The following TIMMDC1 variants were observed in gnomAD, a reference collection of about 807,000 sequenced individuals.
TIMMDC1 encodes the protein translocase of inner mitochondrial membrane domain containing 1, also known as complex I assembly factor TIMMDC1, mitochondrial.
A neutral mutation model predicts 32.6 loss-of-function variants in TIMMDC1; 25 were observed. The ratio of observed to expected loss-of-function variants is 0.77; its 90% CI spans 0.56 to 1.07. TIMMDC1 has a LOEUF of 1.07. Ranked by LOEUF, TIMMDC1 falls within the 50% of genes least tolerant of loss-of-function variation. The pLI, the probability that TIMMDC1 is intolerant of heterozygous loss-of-function variation, is 0.00. For synonymous variants in TIMMDC1, 130 were observed against 127.6 expected (o/e 1.02, Z -0.13); for missense variants, 329 against 349.2 (o/e 0.94, Z 0.46).
At chr3:119,506,924 T>C (rs1174716065) in intron 4 of TIMMDC1, among the ~76,000 whole-genome samples, 1 of 152,228 alleles carries the variant, frequency 6.6e-6, no homozygotes, top group African/African-American at 2.4e-5. Context: ...GTTCGGCTCC[T>C]ACTTAACCTT....
chr3:119,503,428 G>C (rs1228100480), intron 2 of TIMMDC1, 104 bp from the exon 3 acceptor site: 1 of 718,388 alleles, frequency 1.4e-6, no homozygotes, highest in African/African-American at 1.8e-5. Flanking sequence ...CTATCTGTTT[G>C]GGTGTACCTG....
At chr3:119,505,796 G>T (rs2081915159) in intron 4 of TIMMDC1, among the ~76,000 whole-genome samples, 1 of 152,190 alleles carries the variant, frequency 6.6e-6, no homozygotes, top group Non-Finnish European at 1.5e-5. Flanking sequence ...TTCATGCTGA[G>T]AATTTATCCG....
chr3:119,506,981 G>GTTCTCCCTAGCCATT, intron 4 of TIMMDC1, among the ~76,000 whole-genome samples: 2 of 152,222 alleles, frequency 1.3e-5, no homozygotes, highest in African/African-American at 4.8e-5. Context: ...TCCCTAGAGA[G>GTTCTCCCTAGCCATT]TTCTCCCTAG....
In TIMMDC1 at chr3:119,523,857, T is replaced by C; in HGVS notation, c.*101T>C. 3.2e-6 allele frequency: 4 copies of C among 1,262,758 alleles called. No homozygotes were observed. The highest frequency in any genetic ancestry group is 4.3e-6 in the Non-Finnish European group (4 of 934,346). The allele number at this position is 1,262,758 out of a possible 1,614,324, so 78.2% of individuals were successfully genotyped here. ...CTCTTTGGTCAGCCTGCTGACAAAT[T>C]TAAGTGCTGGTACCTGTGGTGGCAG... On this transcript the variant is annotated 3_prime_UTR_variant, in exon 7 of 7. Transcript: ENST00000494664.
chr3:119,519,928 A>G (rs1477778806), intron 6 of TIMMDC1, among the ~76,000 whole-genome samples: 1 of 152,216 alleles, frequency 6.6e-6, no homozygotes, highest in African/African-American at 2.4e-5. Flanking sequence ...CCACAGCAGA[A>G]TAAAACTAGA....
chr3:119,500,992 TTAA>T (rs1486393617), intron 2 of TIMMDC1, 132 bp downstream of exon 2: 1 of 822,130 alleles, frequency 1.2e-6, no homozygotes, highest in Non-Finnish European at 1.8e-6. Flanking sequence ...AAGTCTGTAC[TTAA>T]TAACAGTGGA....
intron 5 of TIMMDC1, among the ~76,000 whole-genome samples, chr3:119,515,423 A>T (rs2081979642): frequency 6.6e-6 from 1 of 152,168 alleles, no homozygotes. Flanking sequence ...CTACTCTGCC[A>T]CCAGCCAGGG....
intron 6 of TIMMDC1, among the ~76,000 whole-genome samples, chr3:119,522,050 C>CTA (rs2082029782): frequency 1.3e-5 from 2 of 152,224 alleles, no homozygotes; most frequent in South Asian, 4.2e-4. Flanking sequence ...GCAATCTTCC[C>CTA]TACTAGGTAT....
chr3:119,503,455 AAT>A (rs1483057395), intron 2 of TIMMDC1, 75 bp from the exon 3 acceptor site: 36 of 1,117,476 alleles, frequency 3.2e-5, no homozygotes, highest in Non-Finnish European at 4.0e-5. Flanking sequence ...CCATAGCTAA[AAT>A]TCCTCTACCG....
At chr3:119,499,018 G>A in intron 1 of TIMMDC1, 91 bp downstream of exon 1, 1 of 996,760 alleles carries the variant, frequency 1.0e-6, no homozygotes, top group Non-Finnish European at 1.5e-6. Flanking sequence ...AGGACACCAA[G>A]GATGGTGTGC....
chr3:119,519,936 A>G (rs187280648), intron 6 of TIMMDC1, among the ~76,000 whole-genome samples: 1 of 152,348 alleles, frequency 6.6e-6, no homozygotes, highest in Admixed American at 6.5e-5. Flanking sequence ...GAATAAAACT[A>G]GAAATCAGTA....
chr3:119,502,614 A>G (rs1220142554), intron 2 of TIMMDC1, among the ~76,000 whole-genome samples: 1 of 151,848 alleles, frequency 6.6e-6, no homozygotes, highest in Non-Finnish European at 1.5e-5. Context: ...GCTGGAGTGC[A>G]GCGGCGCGAT....
chr3:119,523,578 T>G (rs2082045115), intron 6 of TIMMDC1, 28 bp from the exon 7 acceptor site: 2 of 1,559,026 alleles, frequency 1.3e-6, no homozygotes, highest in Admixed American at 4.1e-5. Flanking sequence ...GGAGCAGTAT[T>G]TGATTTATCC....
rs564175656 is a variant in TIMMDC1, at chr3:119,501,955, C to T, written c.360+1095C>T. 3.3e-4 allele frequency among the ~76,000 whole-genome samples: 50 copies of T among 152,216 alleles called. No homozygotes were observed. In the South Asian group the frequency reaches 0.01, roughly 31 times the overall value. On this transcript the variant is annotated intron_variant, in intron 2 of 6. Coordinates refer to ENST00000494664, the MANE Select transcript of TIMMDC1 (RefSeq NM_016589.4). ...TAGAACTGAAATTAAATTAGAAACC[C>T]ATGATATCTCTGTCCCTTTACTGGT...
chr3:119,523,505 A>G (rs2107736902), intron 6 of TIMMDC1, 101 bp from the exon 7 acceptor site: 1 of 1,254,426 alleles, frequency 8.0e-7, no homozygotes, highest in Non-Finnish European at 1.1e-6. Context: ...TTGCTATACC[A>G]AAGCAGGGAG....
Position 119,524,280 on chromosome 3 carries a change from AAGT to A in TIMMDC1, c.*527_*529del, listed in dbSNP as rs1394657364. On this transcript the variant is annotated 3_prime_UTR_variant, in exon 7 of 7. Coordinates refer to ENST00000494664, the MANE Select transcript of TIMMDC1 (RefSeq NM_016589.4). Reference sequence around the variant, plus strand: ...TGAAATAAAATACAAATTCAACAAAAAGTAGATCAGCATTATTAAAGAAACGGT... The same window carrying A: ...TGAAATAAAATACAAATTCAACAAAAAGATCAGCATTATTAAAGAAACGGT... 1 of 152,264 alleles carries A rather than the reference AAGT, an allele frequency of 6.6e-6. No individual in the cohort carries two copies. Among genetic ancestry groups the A allele is most frequent in the Non-Finnish European group, 1.5e-5 (1 of 68,078 alleles). 9.4% of individuals were successfully genotyped at this position (152,264 alleles called of 1,614,324 possible).
At chr3:119,503,749 T>G (rs2081896858) in intron 3 of TIMMDC1, 129 bp downstream of exon 3, 1 of 866,916 alleles carries the variant, frequency 1.2e-6, no homozygotes, top group Non-Finnish European at 1.7e-6. Context: ...TTTTTTTTTT[T>G]TTCAAGAACT....
chr3:119,499,129 T>G (rs1158061640), intron 1 of TIMMDC1, among the ~76,000 whole-genome samples: 1 of 149,552 alleles, frequency 6.7e-6, no homozygotes, highest in Non-Finnish European at 1.5e-5. Flanking sequence ...GGTCTTGCTC[T>G]GTCGCCCAGG....
chr3:119,510,047 T>G (rs1009844069), intron 4 of TIMMDC1, among the ~76,000 whole-genome samples: 5 of 152,110 alleles, frequency 3.3e-5, no homozygotes, highest in Non-Finnish European at 7.4e-5. Flanking sequence ...TTATGTAAAT[T>G]ATACCTCAAT....
Sources: gnomAD v4.1 joint callset for allele counts (sites outside exome capture counted in the v4.1 genomes callset) on GRCh38, gnomAD v4.1.1 for gene constraint, MANE v1.5 for transcripts, NCBI Gene and HGNC (gene_info 2026-07-23, HGNC 2026-07-21) for gene names.